The following ZFHX3 variants were observed in gnomAD, a reference collection of about 807,000 sequenced individuals.
ZFHX3 encodes zinc finger homeobox protein 3.
A neutral mutation model predicts 279.1 loss-of-function variants in ZFHX3; 42 were observed. The observed-to-expected ratio is 0.15, with a 90% CI of 0.12 to 0.19. The LOEUF is 0.19. Among genes scored for constraint, ZFHX3 ranks in the 10% least tolerant of loss-of-function variants. The pLI is 1.00. For synonymous variants in ZFHX3, 2,293 were observed against 1,957.8 expected (o/e 1.17, Z -4.52); for missense variants, 4,981 against 4,754.0 (o/e 1.05, Z -1.40).
At chr16:73,397,709 T>C (rs2017158083) in intron 3 of ZFHX3, among the ~76,000 whole-genome samples, 1 of 151,728 alleles carries the variant, frequency 6.6e-6, no homozygotes, top group South Asian at 2.1e-4. Context: ...TCAATGGATC[T>C]GACTGACAGA....
chr16:73,786,369 T>C lies in ZFHX3; in HGVS notation c.-1608+105282A>G, dbSNP rs569115418. ...TTCCCTCAAATGTCTGGATAAGCAT[T>C]TTCTATTGATTCATATTATAAAATG... is the stretch of plus-strand genomic sequence containing the variant. On this transcript the variant is annotated intron_variant, in intron 1 of 17. Coordinates refer to the ZFHX3 transcript ENST00000641206. 5.3e-5 allele frequency among the ~76,000 whole-genome samples: 8 copies of C among 152,304 alleles called. No homozygotes were observed. In the South Asian group the frequency reaches 1.2e-3, roughly 24 times the overall value.
chr16:72,819,510 G>A (rs2143655302), intron 5 of ZFHX3, among the ~76,000 whole-genome samples: 1 of 152,346 alleles, frequency 6.6e-6, no homozygotes, highest in Admixed American at 6.5e-5. Flanking sequence ...GTCTGAGTCA[G>A]ATAATGTACA....
At chr16:72,853,498 A>G (rs2037670261) in intron 4 of ZFHX3, among the ~76,000 whole-genome samples, 1 of 152,270 alleles carries the variant, frequency 6.6e-6, no homozygotes. Flanking sequence ...TTTCCCCTTC[A>G]AACTTCTAAC....
chr16:73,292,595 C>A (rs1409868571), intron 4 of ZFHX3, among the ~76,000 whole-genome samples: 4 of 152,194 alleles, frequency 2.6e-5, no homozygotes, highest in African/African-American at 9.6e-5. Context: ...CCTTTCAAAT[C>A]TTAAGGTAAA....
At chr16:73,445,154 T>A (rs941767281) in intron 3 of ZFHX3, among the ~76,000 whole-genome samples, 2 of 151,818 alleles carry the variant, frequency 1.3e-5, no homozygotes, top group African/African-American at 4.8e-5. Flanking sequence ...AAAAAATCTT[T>A]TCATATACAA....
intron 1 of ZFHX3, among the ~76,000 whole-genome samples, chr16:73,759,190 C>A (rs766224318): frequency 6.6e-6 from 1 of 152,136 alleles, no homozygotes; most frequent in Non-Finnish European, 1.5e-5. Flanking sequence ...GTGTAGTGGC[C>A]GCATATTTTT....
chr16:73,014,661 G>A (rs1964036071), intron 1 of ZFHX3, among the ~76,000 whole-genome samples: 1 of 151,228 alleles, frequency 6.6e-6, no homozygotes, highest in South Asian at 2.1e-4. Flanking sequence ...TGAGTAGCTG[G>A]GATTACAGGC....
At chr16:73,689,837 T>TTTG (rs1567552800) in intron 1 of ZFHX3, among the ~76,000 whole-genome samples, 6 of 151,908 alleles carry the variant, frequency 3.9e-5, no homozygotes, top group Non-Finnish European at 5.9e-5. Context: ...TTGTTGTTGT[T>TTTG]TTTTTGAGAT....
chr16:73,539,008 C>T (rs927909253), intron 2 of ZFHX3, among the ~76,000 whole-genome samples: 3 of 152,162 alleles, frequency 2.0e-5, no homozygotes, highest in Non-Finnish European at 4.4e-5. Context: ...GATGTGTCCC[C>T]TAAGCAGGTA....
intron 4 of ZFHX3, among the ~76,000 whole-genome samples, chr16:72,878,675 C>T (rs2038381954): frequency 6.6e-6 from 1 of 152,182 alleles, no homozygotes; most frequent in Non-Finnish European, 1.5e-5. Context: ...CAAAGAATCC[C>T]ACCCCTGGGG....
chr16:72,827,660 G>A lies in ZFHX3; in HGVS notation c.3529+2119C>T, dbSNP rs532753878. Reference sequence around the variant, plus strand: ...GAGGCAAAACTGGGATCTTGGTCCAGGCAAAGCCCCACAGGAGGATACGTC... The same window carrying A: ...GAGGCAAAACTGGGATCTTGGTCCAAGCAAAGCCCCACAGGAGGATACGTC... On this transcript the variant is annotated intron_variant, in intron 5 of 9. Transcript: ENST00000268489. Among the ~76,000 whole-genome samples, 8 of 152,346 alleles carry A rather than the reference G, an allele frequency of 5.3e-5. No individual in the cohort carries two copies. The South Asian group carries it at 1.7e-3, about 32-fold the overall frequency.
At chr16:73,464,627 G>T (rs574743659) in intron 2 of ZFHX3, among the ~76,000 whole-genome samples, 19 of 151,884 alleles carry the variant, frequency 1.3e-4, no homozygotes, top group African/African-American at 4.3e-4. Flanking sequence ...CACAACACGA[G>T]CATGTGTTTC....
intron 3 of ZFHX3, chr16:73,318,464 G>T (rs1168152722): frequency 6.6e-6 from 1 of 151,736 alleles, no homozygotes; most frequent in African/African-American, 2.4e-5. Context: ...ATTCAAAAAT[G>T]TCCAAAGATG....
rs71156164 is a variant in ZFHX3, at chr16:73,439,909, CAAAAAAA to C, written c.-1291+16087_-1291+16093del. ...CAGTGGGGCAGGAAGGGGAGAGGGA[CAAAAAAA>C]AAAAAAAAAAAAAAAACACAAAAAA... On this transcript the variant is annotated intron_variant, in intron 3 of 17. Coordinates refer to the ZFHX3 transcript ENST00000641206. Among the ~76,000 whole-genome samples, 7 of 75,432 alleles carry C rather than the reference CAAAAAAA, an allele frequency of 9.3e-5. No homozygotes were observed. In the East Asian group the frequency reaches 2.5e-3, roughly 27 times the overall value. The allele number at this position is 75,432 out of a possible 152,430, so 49.5% of individuals were successfully genotyped here. A position where few individuals can be genotyped will look rare whatever the true frequency, so the allele number is the denominator to read the frequency against.
intron 5 of ZFHX3, among the ~76,000 whole-genome samples, chr16:73,161,522 T>C (rs1967235919): frequency 6.6e-6 from 1 of 152,252 alleles, no homozygotes; most frequent in Admixed American, 6.5e-5. Context: ...GAGGGCATTG[T>C]TTAAGGTTGG....
chr16:72,863,473 G>A lies in ZFHX3; in HGVS notation c.3448+26258C>T, dbSNP rs545442252. On this transcript the variant is annotated intron_variant, in intron 4 of 9. Transcript: ENST00000268489. ...ATCAAGGCTGTAAAGAGCTATGATC[G>A]CGCTACTGCACTCCAACTTGGGTGA... 1.3e-3 allele frequency among the ~76,000 whole-genome samples: 190 copies of A among 151,958 alleles called. 4 individuals carry two copies. In the Middle Eastern group the frequency reaches 0.027, roughly 22 times the overall value.
Position 72,787,038 on chromosome 16 carries a change from T to TG in ZFHX3, c.*125_*126insC. The TG allele has an allele frequency of 1.8e-5, 19 of 1,057,388 alleles. No homozygotes were observed. Among genetic ancestry groups the TG allele is most frequent in the South Asian group, 7.3e-5 (2 of 27,282 alleles). 65.5% of individuals were successfully genotyped at this position (1,057,388 alleles called of 1,614,324 possible). On this transcript the variant is annotated 3_prime_UTR_variant, in exon 10 of 10. Coordinates refer to ENST00000268489, the MANE Select transcript of ZFHX3 (RefSeq NM_006885.4). ...AACAACCCACGCTTTTTCTTTTTTT[T>TG]CTTTTTTTTTTTTTTTTTGTTTTTT...
At chr16:73,589,042 T>C (rs950971736) in intron 2 of ZFHX3, among the ~76,000 whole-genome samples, 16 of 149,336 alleles carry the variant, frequency 1.1e-4, no homozygotes, top group African/African-American at 3.2e-4. Context: ...TGGCAGATCA[T>C]GAAGTCAGCA....
intron 2 of ZFHX3, among the ~76,000 whole-genome samples, chr16:73,608,089 A>G (rs1022982163): frequency 4.6e-5 from 7 of 152,070 alleles, no homozygotes; most frequent in Admixed American, 3.3e-4. Flanking sequence ...AAAAAAAAAA[A>G]AGAGAATAGG....
Sources: allele counts gnomAD v4.1 joint callset (sites outside exome capture counted in the v4.1 genomes callset), GRCh38; gene constraint gnomAD v4.1.1; transcripts MANE v1.5; gene names NCBI Gene and HGNC (gene_info 2026-07-23, HGNC 2026-07-21).